Variants in VWA8 observed in about 807,000 individuals in gnomAD.
VWA8 encodes von Willebrand factor A domain-containing protein 8.
VWA8 carries 221 observed loss-of-function variants against 241.5 expected under a neutral mutation model. The observed-to-expected ratio is 0.91, with a 90% CI of 0.82 to 1.02. The LOEUF (loss-of-function observed/expected upper bound fraction) is 1.02, where lower values mean the gene tolerates loss of function less well. VWA8 is among the 50% of genes least tolerant of loss of function. The pLI is 0.00. For missense variants in VWA8, 2,322 were observed against 2,328.7 expected (o/e 1.00, Z 0.06); for synonymous variants, 852 against 827.1 (o/e 1.03, Z -0.52).
intron 42 of VWA8, among the ~76,000 whole-genome samples, chr13:41,582,488 A>G (rs901602207): frequency 8.5e-5 from 13 of 152,294 alleles, no homozygotes; most frequent in African/African-American, 2.9e-4. Context: ...GACAACATTA[A>G]GAACTGTCTG....
chr13:41,832,672 A>C (rs186409906), intron 13 of VWA8, among the ~76,000 whole-genome samples: 25 of 152,308 alleles, frequency 1.6e-4, no homozygotes, highest in Middle Eastern at 3.4e-3. Context: ...GAGAACCAAA[A>C]TAAACAGAAA....
intron 36 of VWA8, 124 bp from the exon 37 acceptor site, chr13:41,671,271 T>A: frequency 9.7e-7 from 1 of 1,031,342 alleles, no homozygotes; most frequent in Non-Finnish European, 1.4e-6. Flanking sequence ...ATTTTATACC[T>A]GCTCTTACCT....
intron 43 of VWA8, 50 bp from the exon 44 acceptor site, chr13:41,570,756 T>C (rs765540625): frequency 6.6e-7 from 1 of 1,523,370 alleles, no homozygotes; most frequent in Non-Finnish European, 9.1e-7. Context: ...AACTTCTTTT[T>C]TAACAAATAC....
At chr13:41,876,233 T>G (rs959642247) in intron 9 of VWA8, among the ~76,000 whole-genome samples, 1 of 152,088 alleles carries the variant, frequency 6.6e-6, no homozygotes, top group African/African-American at 2.4e-5. Flanking sequence ...ATGAGCCTGT[T>G]AAAATGATCA....
chr13:41,586,161 A>AT (rs1306644231), intron 42 of VWA8, among the ~76,000 whole-genome samples: 1 of 146,916 alleles, frequency 6.8e-6, no homozygotes, highest in African/African-American at 2.7e-5. Context: ...CCCATAAAGC[A>AT]TAAAAAAAAA....
chr13:41,902,968 T>TG (rs1392915606), intron 4 of VWA8, among the ~76,000 whole-genome samples: 1 of 152,176 alleles, frequency 6.6e-6, no homozygotes, highest in Non-Finnish European at 1.5e-5. Context: ...TCACCTATAT[T>TG]GGGCCATCAA....
At chr13:41,709,415 C>T (rs545338995) in intron 26 of VWA8, among the ~76,000 whole-genome samples, 2 of 152,266 alleles carry the variant, frequency 1.3e-5, no homozygotes, top group African/African-American at 4.8e-5. Context: ...AGGTTCACCG[C>T]CTTTCAGTTT....
chr13:41,825,789 C>T (rs139758897), intron 14 of VWA8, among the ~76,000 whole-genome samples: 1 of 152,286 alleles, frequency 6.6e-6, no homozygotes, highest in East Asian at 1.9e-4. Context: ...AAAGGACAGA[C>T]AATGTGGGTC....
intron 39 of VWA8, among the ~76,000 whole-genome samples, chr13:41,608,547 G>A (rs1197770726): frequency 1.3e-5 from 2 of 152,112 alleles, no homozygotes; most frequent in African/African-American, 2.4e-5. Context: ...GTAAGAGTCT[G>A]GGAATTTTAG....
At chr13:41,569,230 A>G (rs1308851996) in intron 44 of VWA8, among the ~76,000 whole-genome samples, 1 of 152,264 alleles carries the variant, frequency 6.6e-6, no homozygotes, top group East Asian at 1.9e-4. Flanking sequence ...CCACAAGGGT[A>G]TTATTGTGCT....
chr13:41,879,436 T>C (rs1278069637), intron 9 of VWA8, among the ~76,000 whole-genome samples: 2 of 150,740 alleles, frequency 1.3e-5, no homozygotes, highest in African/African-American at 4.9e-5. Context: ...CTTTCATCAT[T>C]GGTTATTTCA....
intron 17 of VWA8, among the ~76,000 whole-genome samples, chr13:41,810,539 AC>A (rs879385561): frequency 2.0e-5 from 3 of 152,164 alleles, no homozygotes; most frequent in Non-Finnish European, 4.4e-5. Context: ...GACAAACTTC[AC>A]ATGTTTTCAC....
Position 41,568,194 on chromosome 13 carries a change from T to G in VWA8, c.*3A>C, listed in dbSNP as rs1330959529. On this transcript the variant is annotated 3_prime_UTR_variant, in exon 45 of 45. Coordinates refer to ENST00000379310, the MANE Select transcript of VWA8 (RefSeq NM_015058.2). ...GTGTCATCAGGGTGATGAAGGGCAC[T>G]TCTTAGACACTCGACAACATGGTGG... 1 of 1,612,442 alleles carries G rather than the reference T, an allele frequency of 6.2e-7. No homozygotes were observed. Among genetic ancestry groups the G allele is most frequent in the Non-Finnish European group, 8.5e-7 (1 of 1,178,490 alleles).
chr13:41,589,757 C>T (rs553662861), intron 41 of VWA8, among the ~76,000 whole-genome samples: 36 of 152,304 alleles, frequency 2.4e-4, no homozygotes, highest in South Asian at 1.4e-3. Flanking sequence ...GGACAGACTT[C>T]GGTCACAAAC....
intron 43 of VWA8, among the ~76,000 whole-genome samples, chr13:41,572,003 C>T (rs980857122): frequency 1.3e-5 from 2 of 152,264 alleles, no homozygotes; most frequent in African/African-American, 4.8e-5. Flanking sequence ...GGTGGCGACC[C>T]CGTCTGGGAA....
In VWA8 at chr13:41,891,573, T is replaced by C; in HGVS notation, c.498A>G (p.Ala166=). The change falls in exon 5 of 45, where the codon GCA becomes GCG. Residue 166 remains alanine, a synonymous_variant. Coordinates refer to ENST00000379310, the MANE Select transcript of VWA8 (RefSeq NM_015058.2). ...AFYIDQCAVR[A]ATEGRTLILE... ...AAATGAGAGTTCTGCCTTCTGTGGC[T>C]GCACGAACTGCACACTATTTCCAAG... The C allele has an allele frequency of 6.2e-7, 1 of 1,614,154 alleles. No homozygotes were observed.
At chr13:41,724,403 T>C (rs547000272) in intron 24 of VWA8, among the ~76,000 whole-genome samples, 1 of 151,962 alleles carries the variant, frequency 6.6e-6, no homozygotes, top group Admixed American at 6.6e-5. Flanking sequence ...ATGAAGGAAA[T>C]AGCCTGATTG....
At chr13:41,617,638 C>T (rs1225983932) in intron 37 of VWA8, among the ~76,000 whole-genome samples, 2 of 151,896 alleles carry the variant, frequency 1.3e-5, no homozygotes, top group African/African-American at 4.8e-5. Flanking sequence ...ATCCCTCCCC[C>T]AGCCCCCCGC....
chr13:41,692,688 T>C (rs1247596242), intron 30 of VWA8, among the ~76,000 whole-genome samples, 174 bp downstream of exon 30: 1 of 152,130 alleles, frequency 6.6e-6, no homozygotes, highest in Non-Finnish European at 1.5e-5. Flanking sequence ...TATTTAATTA[T>C]ACACATATCT....
Sources: allele counts gnomAD v4.1 joint callset (sites outside exome capture counted in the v4.1 genomes callset), GRCh38; gene constraint gnomAD v4.1.1; transcripts MANE v1.5; gene names NCBI Gene and HGNC (gene_info 2026-07-23, HGNC 2026-07-21).